Variants in PRL observed in about 807,000 individuals in gnomAD.
PRL encodes prolactin, also known as decidual prolactin.
In PRL, 24 loss-of-function variants were observed where a neutral mutation model predicts 21.3. The observed-to-expected ratio is 1.13, with a 90% CI of 0.82 to 1.59. The LOEUF is 1.59. PRL is among the 40% of genes most tolerant of loss of function. The pLI is 0.00. For missense variants in PRL, 243 were observed against 286.9 expected (o/e 0.85, Z 1.10); for synonymous variants, 118 against 115.7 (o/e 1.02, Z -0.13).
At chr6:22,295,390 G>A (rs947405808) in intron 1 of PRL, among the ~76,000 whole-genome samples, 3 of 152,134 alleles carry the variant, frequency 2.0e-5, no homozygotes, top group Non-Finnish European at 2.9e-5. Context: ...GTCACATCGC[G>A]TACACCTGTG....
Position 22,288,223 on chromosome 6 carries a change from G to A in PRL, c.493-630C>T, listed in dbSNP as rs2113497819. On this transcript the variant is annotated intron_variant, in intron 4 of 4. Transcript: ENST00000306482. The surrounding 1 kb of genome is among the most constrained non-coding windows in gnomAD (Gnocchi z 4.5). ...TTTTGAGGTCCCTGGGCTGGGAGGT[G>A]CCGGGAAAAGCACCTACAAGGAAAG... Among the ~76,000 whole-genome samples, 1 of 152,204 alleles carries A rather than the reference G, an allele frequency of 6.6e-6. No homozygotes were observed. The highest frequency in any genetic ancestry group is 6.5e-5 in the Admixed American group (1 of 15,288).
upstream of PRL, chr6:22,297,409 A>C (rs542404782): frequency 6.1e-6 from 1 of 163,580 alleles, no homozygotes; most frequent in Non-Finnish European, 1.3e-5. Context: ...TAACAATCTC[A>C]TGTATTATCA....
intron 4 of PRL, 140 bp downstream of exon 4, chr6:22,290,034 A>T (rs1264183348): frequency 9.6e-6 from 7 of 730,620 alleles, no homozygotes; most frequent in Non-Finnish European, 9.8e-6. Flanking sequence ...ACTATGAATG[A>T]CTAGGCTCTT....
At chr6:22,293,490 C>T (rs954422154) in intron 2 of PRL, among the ~76,000 whole-genome samples, 5 of 151,828 alleles carry the variant, frequency 3.3e-5, no homozygotes, top group Non-Finnish European at 4.4e-5. Flanking sequence ...CTATTGTCTG[C>T]TCCTTGATTG....
rs763522294 is a variant in PRL at position 22,290,156 on chromosome 6, C to G, written c.492+18G>C. ...TATATTAATGAGAAAAACAAAGAAG[C>G]ACCAGGAGGCTGCTCACCTGGCTGA... On this transcript the variant is annotated intron_variant, in intron 4 of 4. Coordinates refer to ENST00000306482, the MANE Select transcript of PRL (RefSeq NM_000948.6). 2.6e-6 allele frequency: 4 copies of G among 1,534,080 alleles called. No homozygotes were observed. In the African/African-American group the frequency reaches 5.5e-5, roughly 21 times the overall value.
chr6:22,288,316 T>G lies in PRL; in HGVS notation c.493-723A>C, dbSNP rs1177246199. Among the ~76,000 whole-genome samples, 2 of 151,932 alleles carry G rather than the reference T, an allele frequency of 1.3e-5. No homozygotes were observed. The highest frequency in any genetic ancestry group is 2.9e-5 in the Non-Finnish European group (2 of 68,000). On this transcript the variant is annotated intron_variant, in intron 4 of 4. Transcript: ENST00000306482. The surrounding 1 kb of genome is among the most constrained non-coding windows in gnomAD (Gnocchi z 4.5). ...TGGGAGGCAGAGGCAGGTGGATCAC[T>G]TGAGGTCAGGAGTTCAAGACCAGCC... is the stretch of plus-strand genomic sequence containing the variant.
chr6:22,294,832 T>A (rs1761141126), intron 1 of PRL, among the ~76,000 whole-genome samples: 2 of 152,214 alleles, frequency 1.3e-5, no homozygotes, highest in African/African-American at 4.8e-5. Flanking sequence ...TTCCCAGAAG[T>A]GCTTCTGTAC....
At position 22,290,203 on chromosome 6, in the gene PRL, G is replaced by A; in HGVS notation, c.463C>T (p.Leu155=). 6.2e-7 allele frequency: 1 copy of A among 1,603,560 alleles called. No individual in the cohort carries two copies. Among genetic ancestry groups the A allele is most frequent in the Non-Finnish European group, 8.5e-7 (1 of 1,172,604 alleles). The change falls in exon 4 of 5, where the codon CTA becomes TTA. Residue 155 remains leucine, a synonymous_variant. Coordinates refer to ENST00000306482, the MANE Select transcript of PRL (RefSeq NM_000948.6). ...CTGACTATCAGCTCCATGCCCTCTAGAAGCCGTTTGGTTTGCTCCTCAATC... is the reference window on the plus strand; with the variant it reads ...CTGACTATCAGCTCCATGCCCTCTAAAAGCCGTTTGGTTTGCTCCTCAATC... The part of the protein sequence containing the change: ...VEIEEQTKRL[L]EGMELIVSQV...
chr6:22,289,441 A>T (rs932457218), intron 4 of PRL, among the ~76,000 whole-genome samples: 24 of 152,216 alleles, frequency 1.6e-4, no homozygotes, highest in Non-Finnish European at 1.3e-4. Flanking sequence ...ATCTATTGCA[A>T]ATACTAACAC....
rs535828363 is a variant in PRL, at chr6:22,288,122, C to A, written c.493-529G>T. ...TGGGGTACAGATAATTTAGTGATGA[C>A]CATGACTAAGAAAAGCTGCTTACAT... On this transcript the variant is annotated intron_variant, in intron 4 of 4. Coordinates refer to ENST00000306482, the MANE Select transcript of PRL (RefSeq NM_000948.6). This position sits in a 1 kb window ranked among gnomAD's most constrained non-coding sequence, Gnocchi z 4.5. Among the ~76,000 whole-genome samples the A allele has an allele frequency of 2.0e-5, 3 of 152,052 alleles. No individual in the cohort carries two copies. The highest frequency in any genetic ancestry group is 4.4e-5 in the Non-Finnish European group (3 of 68,024).
chr6:22,287,333 A>C lies in PRL; in HGVS notation c.*69T>G. The C allele has an allele frequency of 6.9e-7, 1 of 1,446,824 alleles. No individual in the cohort carries two copies. The allele number at this position is 1,446,824 out of a possible 1,614,324, so 89.6% of individuals were successfully genotyped here. On this transcript the variant is annotated 3_prime_UTR_variant, in exon 5 of 5. Coordinates refer to ENST00000306482, the MANE Select transcript of PRL (RefSeq NM_000948.6). ...CAAGCATGGATTCAAAAGAGATACA[A>C]CTAAAAGAAGCTTGCAATGGAACGG...
At chr6:22,293,921 A>C (rs915020680) in intron 2 of PRL, among the ~76,000 whole-genome samples, 2 of 152,228 alleles carry the variant, frequency 1.3e-5, no homozygotes, top group Non-Finnish European at 2.9e-5. Flanking sequence ...GATTTCTAGC[A>C]TTTTGGGGTT....
In PRL at chr6:22,296,930, C is replaced by T. The variant is rs553703102; in HGVS notation, c.28+25G>A. The T allele has an allele frequency of 2.0e-4, 323 of 1,612,366 alleles. 2 individuals carry two copies. In the South Asian group the frequency reaches 3.3e-3, roughly 16 times the overall value. On this transcript the variant is annotated intron_variant, in intron 1 of 4. Coordinates refer to ENST00000306482, the MANE Select transcript of PRL (RefSeq NM_000948.6). ...CCCACAGGAGTGTTGATACAACCAA[C>T]AACGCAGTGAGTTGTCACACATACC...
At chr6:22,298,433 A>G (rs1761222988), upstream of PRL, among the ~76,000 whole-genome samples, 1 of 152,198 alleles carries the variant, frequency 6.6e-6, no homozygotes, top group South Asian at 2.1e-4. Flanking sequence ...GAATGAGGTA[A>G]TTTAAAAAAT....
At chr6:22,301,771 T>G (rs757456190), upstream of PRL, among the ~76,000 whole-genome samples, 2 of 152,214 alleles carry the variant, frequency 1.3e-5, no homozygotes, top group Admixed American at 1.3e-4. Flanking sequence ...TTTTTCTTAT[T>G]TATTCATTCA....
chr6:22,287,282 T>C lies in PRL; in HGVS notation c.*120A>G. 1 of 1,048,236 alleles carries C rather than the reference T, an allele frequency of 9.5e-7. No homozygotes were observed. The highest frequency in any genetic ancestry group is 2.7e-5 in the South Asian group (1 of 36,428). The allele number at this position is 1,048,236 out of a possible 1,614,324, so 64.9% of individuals were successfully genotyped here. A position where few individuals can be genotyped will look rare whatever the true frequency, so the allele number is the denominator to read the frequency against. On this transcript the variant is annotated 3_prime_UTR_variant, in exon 5 of 5. Coordinates refer to ENST00000306482, the MANE Select transcript of PRL (RefSeq NM_000948.6). ...GATGTCTCTAAGGAGTCAGTTTTTATTTTTTAAGAGGAGACCTGTTACACC... is the reference window on the plus strand; with the variant it reads ...GATGTCTCTAAGGAGTCAGTTTTTACTTTTTAAGAGGAGACCTGTTACACC...
Position 22,287,595 on chromosome 6 carries a change from T to A in PRL, c.493-2A>T, listed in dbSNP as rs1402723185. 6.3e-7 allele frequency: 1 copy of A among 1,583,926 alleles called. No individual in the cohort carries two copies. Among genetic ancestry groups the A allele is most frequent in the Non-Finnish European group, 8.6e-7 (1 of 1,161,728 alleles). Reference sequence around the variant, plus strand: ...ATTTTCTTTGGTTTCAGGATGAACCTAATCACACAAAAAAAGAGTGACTTA... The same window carrying A: ...ATTTTCTTTGGTTTCAGGATGAACCAAATCACACAAAAAAAGAGTGACTTA... On this transcript the variant is annotated splice_acceptor_variant, in intron 4 of 4. Transcript: ENST00000306482. LOFTEE classifies it high-confidence loss of function.
At chr6:22,301,162 G>C (rs954385702), upstream of PRL, among the ~76,000 whole-genome samples, 1 of 152,220 alleles carries the variant, frequency 6.6e-6, no homozygotes, top group African/African-American at 2.4e-5. Context: ...CTGATGGAAA[G>C]TAGAGCTGAA....
At position 22,294,905 on chromosome 6, in the gene PRL, T is replaced by C. The variant is rs572148849; in HGVS notation, c.29-321A>G. 6.8e-4 allele frequency among the ~76,000 whole-genome samples: 104 copies of C among 152,314 alleles called. 1 individual carries two copies. Among genetic ancestry groups the C allele is most frequent in the African/African-American group, 1.7e-3 (72 of 41,564 alleles). On this transcript the variant is annotated intron_variant, in intron 1 of 4. Coordinates refer to ENST00000306482, the MANE Select transcript of PRL (RefSeq NM_000948.6). ...GGGTGTTTGGATCATTCTCTTAAGATAGTTTAATGTCTTGGGAGTTTCTGC... is the reference window on the plus strand; with the variant it reads ...GGGTGTTTGGATCATTCTCTTAAGACAGTTTAATGTCTTGGGAGTTTCTGC...
Sources: allele counts gnomAD v4.1 joint callset (sites outside exome capture counted in the v4.1 genomes callset), GRCh38; gene constraint gnomAD v4.1.1; non-coding constraint Gnocchi (gnomAD v3.1); transcripts MANE v1.5; gene names NCBI Gene and HGNC (gene_info 2026-07-23, HGNC 2026-07-21).